Variants in SF3B1 observed in about 807,000 individuals in gnomAD.
SF3B1 encodes the protein splicing factor 3b subunit 1, also known as pre-mRNA processing 10.
A neutral mutation model predicts 153.8 loss-of-function variants in SF3B1; 12 were observed. The observed-to-expected ratio is 0.08, with a 90% CI of 0.05 to 0.13. The LOEUF (loss-of-function observed/expected upper bound fraction) is 0.13, where lower values mean the gene tolerates loss of function less well. SF3B1 is among the 10% of genes least tolerant of loss of function. SF3B1 has a pLI of 1.00. For missense variants in SF3B1, 513 were observed against 1,606.1 expected (o/e 0.32, Z 11.63); for synonymous variants, 498 against 525.2 (o/e 0.95, Z 0.71).
chr2:197,428,360 A>T (rs2085368091), intron 1 of SF3B1, among the ~76,000 whole-genome samples: 1 of 152,120 alleles, frequency 6.6e-6, no homozygotes, highest in African/African-American at 2.4e-5. Flanking sequence ...AATCTGTAGA[A>T]GTAATTAAAA....
intron 7 of SF3B1, among the ~76,000 whole-genome samples, chr2:197,408,996 G>A (rs1306645313): frequency 1.3e-5 from 2 of 152,178 alleles, no homozygotes; most frequent in African/African-American, 4.8e-5. Flanking sequence ...GGTAAGTCAG[G>A]CACAGTGGTT....
chr2:197,411,411 C>T (rs2105998092), intron 6 of SF3B1, among the ~76,000 whole-genome samples: 1 of 152,240 alleles, frequency 6.6e-6, no homozygotes, highest in East Asian at 1.9e-4. Context: ...CGGTGGCTCA[C>T]ACCCGTAATC....
At chr2:197,404,814 G>A (rs147661298) in intron 11 of SF3B1, 97 of 287,000 alleles carry the variant, frequency 3.4e-4, no homozygotes, top group African/African-American at 1.9e-3. Context: ...ACTCCACAGC[G>A]GGCTATACCA....
In SF3B1 at chr2:197,405,068, G is replaced by C; in HGVS notation, c.1539+8C>G. On this transcript the variant is annotated splice_region_variant and intron_variant, in intron 11 of 24. Coordinates refer to ENST00000335508, the MANE Select transcript of SF3B1 (RefSeq NM_012433.4). ...ACAAACATGACAATTTAACAAACTG[G>C]GACTTACCTTTCTCATTGGTGGTGT... The C allele has an allele frequency of 6.5e-7, 1 of 1,538,766 alleles. No homozygotes were observed. Among genetic ancestry groups the C allele is most frequent in the Non-Finnish European group, 8.9e-7 (1 of 1,125,414 alleles).
At chr2:197,392,507 C>T (rs769322078) in intron 24 of SF3B1, 46 bp from the exon 25 acceptor site, 2 of 848,362 alleles carry the variant, frequency 2.4e-6, no homozygotes, top group East Asian at 3.3e-5. Context: ...TAAGAACATA[C>T]ATAACCTTAA....
At chr2:197,425,679 C>T (rs1406585257) in intron 1 of SF3B1, among the ~76,000 whole-genome samples, 2 of 151,954 alleles carry the variant, frequency 1.3e-5, no homozygotes, top group Non-Finnish European at 2.9e-5. Context: ...GGTCACATTT[C>T]CACATAAGAA....
rs1574524125 is a variant in SF3B1, at chr2:197,396,050, A to C, written c.3539+6T>G. The C allele has an allele frequency of 2.5e-6, 4 of 1,605,280 alleles. No individual in the cohort carries two copies. The highest frequency in any genetic ancestry group is 3.4e-6 in the Non-Finnish European group (4 of 1,173,182). ...TATTTTCTTGTATTTAGTTCAAGTCACTTACCTATCCATTAAAGCATCTTC... is the reference window on the plus strand; with the variant it reads ...TATTTTCTTGTATTTAGTTCAAGTCCCTTACCTATCCATTAAAGCATCTTC... On this transcript the variant is annotated splice_donor_region_variant and intron_variant, in intron 23 of 24. Coordinates refer to ENST00000335508, the MANE Select transcript of SF3B1 (RefSeq NM_012433.4).
At chr2:197,417,035 G>T in intron 5 of SF3B1, 124 bp from the exon 6 acceptor site, 1 of 925,802 alleles carries the variant, frequency 1.1e-6, no homozygotes, top group Non-Finnish European at 1.6e-6. Context: ...ATGTACTGGT[G>T]ATCTCCTTTC....
chr2:197,424,031 C>T (rs2085291069), intron 1 of SF3B1, 57 bp from the exon 2 acceptor site: 1 of 1,400,344 alleles, frequency 7.1e-7, no homozygotes, highest in African/African-American at 1.5e-5. Flanking sequence ...ACTCCCAACA[C>T]AATGCATTTC....
chr2:197,423,666 G>T, intron 2 of SF3B1, 142 bp downstream of exon 2: 1 of 713,272 alleles, frequency 1.4e-6, no homozygotes, highest in Non-Finnish European at 2.3e-6. Flanking sequence ...GAACCTTAGA[G>T]AGGATACCTC....
intron 6 of SF3B1, among the ~76,000 whole-genome samples, chr2:197,413,170 G>A (rs1172106487): frequency 1.3e-5 from 2 of 152,134 alleles, no homozygotes; most frequent in African/African-American, 2.4e-5. Flanking sequence ...GGAGGCCAAG[G>A]TGGGGGGATC....
At chr2:197,431,118 T>TC (rs2085426873) in intron 1 of SF3B1, among the ~76,000 whole-genome samples, 1 of 141,084 alleles carries the variant, frequency 7.1e-6, no homozygotes, top group Non-Finnish European at 1.5e-5. Flanking sequence ...TTTTTTTTTT[T>TC]TTTTTTTTTT....
rs1368080389 is a variant in SF3B1, at chr2:197,396,238, A to T, written c.3357T>A (p.Val1119=). The T allele has an allele frequency of 1.9e-6, 3 of 1,613,788 alleles. No individual in the cohort carries two copies. Among genetic ancestry groups the T allele is most frequent in the Non-Finnish European group, 1.7e-6 (2 of 1,179,808 alleles). Residue 1119 remains valine, a synonymous_variant, in exon 23 of 25, where the codon GTT becomes GTA. Coordinates refer to ENST00000335508, the MANE Select transcript of SF3B1 (RefSeq NM_012433.4). ...RVCTTVAIAI[V]AETCSPFTVL... ...CTGTAAAGGGTGAACATGTTTCTGCAACAATAGCTATTGCTACAGTGGTAC... is the reference window on the plus strand; with the variant it reads ...CTGTAAAGGGTGAACATGTTTCTGCTACAATAGCTATTGCTACAGTGGTAC...
At chr2:197,434,087 C>T (rs58605786) in intron 1 of SF3B1, among the ~76,000 whole-genome samples, 3,454 of 152,206 alleles carry the variant, frequency 0.023, 123 homozygotes, top group African/African-American at 0.08. Flanking sequence ...AGCCAAATAC[C>T]CAGAAAGAAC....
At chr2:197,410,162 T>G (rs1488757178) in intron 6 of SF3B1, among the ~76,000 whole-genome samples, 155 bp from the exon 7 acceptor site, 1 of 152,190 alleles carries the variant, frequency 6.6e-6, no homozygotes, top group Non-Finnish European at 1.5e-5. Context: ...TAGGAAAAGA[T>G]ACCTACTTTC....
At chr2:197,433,244 T>G (rs1385808697) in intron 1 of SF3B1, among the ~76,000 whole-genome samples, 4 of 152,250 alleles carry the variant, frequency 2.6e-5, no homozygotes, top group Non-Finnish European at 5.9e-5. Context: ...TTCTGCTATT[T>G]TCTTATGGTA....
chr2:197,400,047 T>C lies in SF3B1; in HGVS notation c.3013+8A>G, dbSNP rs202052494. ...GAAAAAGTCTTATGTAACCAGCAAA[T>C]TCCATACCTATGACATTTACAATGG... On this transcript the variant is annotated splice_region_variant and intron_variant, in intron 20 of 24. Coordinates refer to ENST00000335508, the MANE Select transcript of SF3B1 (RefSeq NM_012433.4). This position sits in a 1 kb window ranked among gnomAD's most constrained non-coding sequence, Gnocchi z 5.0. The C allele has an allele frequency of 9.0e-5, 139 of 1,551,632 alleles. No individual in the cohort carries two copies. Among genetic ancestry groups the C allele is most frequent in the Middle Eastern group, 5.0e-4 (3 of 5,942 alleles).
intron 9 of SF3B1, 112 bp downstream of exon 9, chr2:197,407,886 G>A: frequency 1.2e-6 from 1 of 842,392 alleles, no homozygotes; most frequent in Non-Finnish European, 1.9e-6. Flanking sequence ...CTAAGAGAAT[G>A]GAATGACAAT....
chr2:197,398,796 T>A, intron 20 of SF3B1: 2 of 549,994 alleles, frequency 3.6e-6, no homozygotes, highest in Non-Finnish European at 6.6e-6. Context: ...ATCAGTGAAG[T>A]GATTTAAAGG....
Sources: allele counts gnomAD v4.1 joint callset (sites outside exome capture counted in the v4.1 genomes callset), GRCh38; gene constraint gnomAD v4.1.1; non-coding constraint Gnocchi (gnomAD v3.1); transcripts MANE v1.5; gene names NCBI Gene and HGNC (gene_info 2026-07-23, HGNC 2026-07-21).